Variants in POM121C observed in about 807,000 individuals in gnomAD.
POM121C encodes nuclear envelope pore membrane protein POM 121C.
A neutral mutation model predicts 66.4 loss-of-function variants in POM121C; 20 were observed. That is an observed-to-expected ratio of 0.30 (90% CI 0.21 to 0.44). The LOEUF is 0.44. Among genes scored for constraint, POM121C ranks in the 20% least tolerant of loss-of-function variants. The pLI is 1.00. For missense variants in POM121C, 580 were observed against 1,225.7 expected, an observed-to-expected ratio of 0.47 and a Z score of 7.87; for synonymous variants, 286 against 528.0, an observed-to-expected ratio of 0.54 and a Z score of 6.28.
At chr7:75,470,886 G>A (rs1256479919) in intron 3 of POM121C, among the ~76,000 whole-genome samples, 2 of 151,918 alleles carry the variant, frequency 1.3e-5, no homozygotes, top group African/African-American at 4.8e-5. Flanking sequence ...TGCCCACCTC[G>A]ACCACTCAAA....
At chr7:75,435,880 T>G (rs1157019532) in intron 7 of POM121C, among the ~76,000 whole-genome samples, 1 of 152,140 alleles carries the variant, frequency 6.6e-6, no homozygotes, top group Non-Finnish European at 1.5e-5. Context: ...TGAAACCTTG[T>G]GTCAAACTAA....
intron 3 of POM121C, among the ~76,000 whole-genome samples, chr7:75,467,498 C>T (rs2116502039): frequency 7.0e-6 from 1 of 143,258 alleles, no homozygotes; most frequent in South Asian, 2.2e-4. Flanking sequence ...CGCCACTGCA[C>T]TCCAGCCTGG....
intron 14 of POM121C, 39 bp downstream of exon 14, chr7:75,419,281 A>G (rs71560447): frequency 0.15 from 243,272 of 1,585,428 alleles, 20,081 homozygotes; most frequent in Middle Eastern, 0.23. Context: ...ACCTCTCCTC[A>G]GACAGACGAG....
intron 1 of POM121C, among the ~76,000 whole-genome samples, chr7:75,485,185 TA>T (rs2116566700): frequency 6.6e-6 from 1 of 152,234 alleles, no homozygotes; most frequent in African/African-American, 2.4e-5. Flanking sequence ...TAAAATAAAA[TA>T]AGCCATAGGA....
chr7:75,437,322 T>C (rs1790455732), intron 7 of POM121C, among the ~76,000 whole-genome samples, 193 bp downstream of exon 7: 1 of 152,198 alleles, frequency 6.6e-6, no homozygotes, highest in Non-Finnish European at 1.5e-5. Context: ...AAAATTTCTT[T>C]AAAGATTCTT....
chr7:75,483,064 C>T (rs1554480366), intron 1 of POM121C, among the ~76,000 whole-genome samples: 4 of 152,204 alleles, frequency 2.6e-5, no homozygotes, highest in African/African-American at 4.8e-5. Context: ...CGGATGATCA[C>T]GTCATTCATT....
Position 75,439,213 on chromosome 7 carries a change from C to G in POM121C, c.239G>C (p.Ser80Thr), listed in dbSNP as rs1554473485. The change falls in exon 6 of 15, where the codon AGC (serine) becomes ACC (threonine). Residue 80 changes from serine (S) to threonine (T), a missense_variant. Ser to Thr is a moderately conservative substitution (Grantham distance 58, BLOSUM62 1). Coordinates refer to ENST00000615331, the MANE Select transcript of POM121C (RefSeq NM_001099415.3). ...AAATGCTGAATGTCCACTGCCACTG[C>G]TATCATGGCGCCTGCGACAAATCAA... The part of the protein sequence containing the change: ...GQENKRRRHD[S>T]SGSGHSAFEP... The G allele has an allele frequency of 2.5e-6, 4 of 1,614,140 alleles. No individual in the cohort carries two copies. Among genetic ancestry groups the G allele is most frequent in the Admixed American group, 3.3e-5 (2 of 60,006 alleles).
intron 3 of POM121C, among the ~76,000 whole-genome samples, chr7:75,461,422 A>G (rs1301714538): frequency 6.6e-6 from 1 of 152,086 alleles, no homozygotes; most frequent in Non-Finnish European, 1.5e-5. Context: ...GGGTCATAAA[A>G]CAAATGTTTT....
chr7:75,438,186 CAT>C (rs1323226100), intron 6 of POM121C, among the ~76,000 whole-genome samples: 1 of 152,212 alleles, frequency 6.6e-6, no homozygotes, highest in Admixed American at 6.5e-5. Flanking sequence ...ATCTCCTATG[CAT>C]CTTTCCTGTA....
rs1346921605 is a variant in POM121C, at chr7:75,416,996, T to C, written c.*1800A>G. ...GGACCGGCTGTCCTGCCTGCGGAAC[T>C]GAGGTAAACAAGCTCAGGTACTGAC... is the stretch of plus-strand genomic sequence containing the variant. On this transcript the variant is annotated 3_prime_UTR_variant, in exon 15 of 15. Coordinates refer to ENST00000615331, the MANE Select transcript of POM121C (RefSeq NM_001099415.3). The C allele has an allele frequency of 7.6e-7, 1 of 1,311,516 alleles. No homozygotes were observed. The highest frequency in any genetic ancestry group is 1.5e-5 in the African/African-American group (1 of 67,498). The allele number at this position is 1,311,516 out of a possible 1,614,324, so 81.2% of individuals were successfully genotyped here. A position where few individuals can be genotyped will look rare whatever the true frequency, so the allele number is the denominator to read the frequency against.
chr7:75,446,806 G>C (rs1790825366), intron 3 of POM121C, among the ~76,000 whole-genome samples: 1 of 151,792 alleles, frequency 6.6e-6, no homozygotes, highest in East Asian at 2.0e-4. Context: ...TCAGGAGATC[G>C]AGACCATCCT....
chr7:75,465,804 G>A (rs1232177408), intron 3 of POM121C, among the ~76,000 whole-genome samples: 1 of 147,264 alleles, frequency 6.8e-6, no homozygotes, highest in East Asian at 2.0e-4. Flanking sequence ...GATGAGGTGG[G>A]AGGATTGCTT....
At chr7:75,447,095 C>T (rs1554474785) in intron 3 of POM121C, among the ~76,000 whole-genome samples, 1 of 135,464 alleles carries the variant, frequency 7.4e-6, no homozygotes, top group Non-Finnish European at 1.6e-5. Flanking sequence ...CATCCTATTA[C>T]TAGGCATATA....
At chr7:75,478,651 G>C (rs1554479720) in intron 1 of POM121C, among the ~76,000 whole-genome samples, 1 of 151,394 alleles carries the variant, frequency 6.6e-6, no homozygotes. Context: ...TACTGGAAAA[G>C]ATGAACAGCA....
intron 3 of POM121C, among the ~76,000 whole-genome samples, chr7:75,472,433 A>C (rs1791915059): frequency 6.6e-6 from 1 of 151,892 alleles, no homozygotes; most frequent in South Asian, 2.1e-4. Flanking sequence ...GAATCACTTG[A>C]ATCTGGGAGG....
intron 3 of POM121C, among the ~76,000 whole-genome samples, chr7:75,457,876 G>T (rs1190330478): frequency 6.6e-6 from 1 of 152,194 alleles, no homozygotes; most frequent in Non-Finnish European, 1.5e-5. Flanking sequence ...AAGAACAGTT[G>T]ATATATATAT....
intron 1 of POM121C, among the ~76,000 whole-genome samples, chr7:75,481,276 G>C (rs1792301902): frequency 6.6e-6 from 1 of 150,832 alleles, no homozygotes; most frequent in Non-Finnish European, 1.5e-5. Context: ...GTATATATTT[G>C]CTATCATATA....
At chr7:75,452,451 AAAAC>A (rs782211826) in intron 3 of POM121C, among the ~76,000 whole-genome samples, 7 of 152,336 alleles carry the variant, frequency 4.6e-5, no homozygotes, top group East Asian at 1.9e-4. Context: ...ACTCATCTCA[AAAAC>A]AAACAAAAAA....
intron 3 of POM121C, among the ~76,000 whole-genome samples, chr7:75,456,174 C>T (rs1455887623): frequency 8.5e-5 from 13 of 152,174 alleles, no homozygotes; most frequent in African/African-American, 2.7e-4. Context: ...AGGAAGTCAA[C>T]GCTGCAGTGA....
Sources: allele counts gnomAD v4.1 joint callset (sites outside exome capture counted in the v4.1 genomes callset), GRCh38; gene constraint gnomAD v4.1.1; transcripts MANE v1.5; gene names NCBI Gene and HGNC (gene_info 2026-07-23, HGNC 2026-07-21).